Variants in PRR33 observed in about 807,000 individuals in gnomAD.
PRR33 encodes the protein proline-rich protein 33.
In PRR33, 1 loss-of-function variant was observed where a neutral mutation model predicts 0.5. That is an observed-to-expected ratio of 2.18 (90% CI 0.77 to 10.34). The LOEUF (loss-of-function observed/expected upper bound fraction) is 10.34, where lower values mean the gene tolerates loss of function less well. PRR33 is among the 30% of genes most tolerant of loss of function. The probability of loss-of-function intolerance (pLI) is 0.13; values close to 1 mark genes in which losing one functional copy is unlikely to be tolerated. For missense variants in PRR33, 552 were observed against 251.8 expected, an observed-to-expected ratio of 2.19 and a Z score of -8.07; for synonymous variants, 226 against 110.0, an observed-to-expected ratio of 2.06 and a Z score of -6.60.
chr11:1,888,791 A>G, exon 1 of PRR33: 1 of 229,816 alleles, frequency 4.4e-6, no homozygotes, highest in Non-Finnish European at 8.4e-6. Flanking sequence ...TGAGAGGCCC[A>G]GGCCCCTGAG....
exon 1 of PRR33, chr11:1,890,190 A>G (rs1324769424): frequency 1.4e-6 from 1 of 716,762 alleles, no homozygotes; most frequent in Admixed American, 2.0e-5. Context: ...GCCGATGGAG[A>G]ACGTGGACTT....
chr11:1,905,014 G>C, the PRR33 span, among the ~76,000 whole-genome samples: 1 of 151,610 alleles, frequency 6.6e-6, no homozygotes, highest in Non-Finnish European at 1.5e-5. Flanking sequence ...TGTTTTATCA[G>C]CTTCTACTTG....
chr11:1,913,222 C>T, the PRR33 span, among the ~76,000 whole-genome samples: 1 of 151,932 alleles, frequency 6.6e-6, no homozygotes, highest in Non-Finnish European at 1.5e-5. Context: ...TGCCTCCCAG[C>T]TTCGCGCCAT....
At chr11:1,912,100 G>A in the PRR33 span, among the ~76,000 whole-genome samples, 1 of 151,310 alleles carries the variant, frequency 6.6e-6, no homozygotes, top group African/African-American at 2.4e-5. Flanking sequence ...TTGAGCCCAG[G>A]AGTTTGAGGC....
chr11:1,916,419 G>A, the PRR33 span, among the ~76,000 whole-genome samples: 1 of 152,072 alleles, frequency 6.6e-6, no homozygotes, highest in Non-Finnish European at 1.5e-5. Context: ...GAGGTGACGT[G>A]CCCCCATCCT....
At chr11:1,888,856 A>T (rs1848863606) in exon 1 of PRR33, 1 of 362,572 alleles carries the variant, frequency 2.8e-6, no homozygotes, top group Non-Finnish European at 5.0e-6. Flanking sequence ...TAAAGTTTTC[A>T]TCCCAAGGCC....
At chr11:1,914,851 TTCTG>T in the PRR33 span, among the ~76,000 whole-genome samples, 4 of 66,570 alleles carry the variant, frequency 6.0e-5, no homozygotes, top group Non-Finnish European at 8.8e-5. Flanking sequence ...CTGGAGATGT[TTCTG>T]TGTGTGTGTG....
the PRR33 span, among the ~76,000 whole-genome samples, chr11:1,906,758 G>T: frequency 6.6e-6 from 1 of 152,152 alleles, no homozygotes; most frequent in Non-Finnish European, 1.5e-5. Flanking sequence ...GTGAGCTCCC[G>T]GCACTGGTCT....
chr11:1,892,514 C>A (rs772765263), upstream of PRR33, among the ~76,000 whole-genome samples: 1 of 152,372 alleles, frequency 6.6e-6, no homozygotes, highest in Non-Finnish European at 1.5e-5. Context: ...CTACCCCAAC[C>A]AGGACTAGCC....
chr11:1,905,201 A>G, the PRR33 span, among the ~76,000 whole-genome samples: 1 of 134,612 alleles, frequency 7.4e-6, no homozygotes, highest in South Asian at 2.3e-4. Flanking sequence ...ATCTCAGCTC[A>G]CTGCAACGTC....
At chr11:1,914,412 GGAT>G in the PRR33 span, among the ~76,000 whole-genome samples, 443 of 151,578 alleles carry the variant, frequency 2.9e-3, 14 homozygotes, top group East Asian at 0.064. Flanking sequence ...CACACACCTG[GGAT>G]GATGTTTCTC....
chr11:1,888,010 A>G (rs1589833853), downstream of PRR33, among the ~76,000 whole-genome samples: 3 of 152,282 alleles, frequency 2.0e-5, no homozygotes, highest in Middle Eastern at 0.01. Context: ...TCCCTGTCCC[A>G]GCCGAGAGCG....
At chr11:1,894,998 A>C (rs1288584140), upstream of PRR33, among the ~76,000 whole-genome samples, 1 of 152,214 alleles carries the variant, frequency 6.6e-6, no homozygotes, top group African/African-American at 2.4e-5. Flanking sequence ...TCCCGGCACC[A>C]GGGGTGCCGT....
chr11:1,914,718 G>A, the PRR33 span, among the ~76,000 whole-genome samples: 1 of 147,572 alleles, frequency 6.8e-6, no homozygotes, highest in African/African-American at 2.5e-5. Flanking sequence ...TGGGGATGAT[G>A]TTGCTCTGTG....
the PRR33 span, among the ~76,000 whole-genome samples, chr11:1,909,149 C>T: frequency 6.6e-6 from 1 of 152,192 alleles, no homozygotes; most frequent in Non-Finnish European, 1.5e-5. Context: ...CTTTGGGAGG[C>T]TCGAGTCCAG....
the PRR33 span, among the ~76,000 whole-genome samples, chr11:1,911,876 C>T: frequency 2.0e-5 from 3 of 151,486 alleles, no homozygotes; most frequent in Non-Finnish European, 2.9e-5. Context: ...AAAGAACCCC[C>T]GAGGCCGGGA....
chr11:1,906,131 G>A, the PRR33 span, among the ~76,000 whole-genome samples: 1 of 151,888 alleles, frequency 6.6e-6, no homozygotes, highest in South Asian at 2.1e-4. Flanking sequence ...TGGCCCCTCT[G>A]CTTCTTAATA....
At chr11:1,914,513 C>A in the PRR33 span, among the ~76,000 whole-genome samples, 1 of 145,966 alleles carries the variant, frequency 6.9e-6, no homozygotes, top group Non-Finnish European at 1.5e-5. Flanking sequence ...TAGTCACACA[C>A]CAGGGATGAT....
chr11:1,906,358 C>T, the PRR33 span, among the ~76,000 whole-genome samples: 4 of 152,058 alleles, frequency 2.6e-5, no homozygotes, highest in African/African-American at 9.7e-5. Context: ...TAGGGGTTGA[C>T]TTGGGTTTTT....
Sources: allele counts gnomAD v4.1 joint callset (sites outside exome capture counted in the v4.1 genomes callset), GRCh38; gene constraint gnomAD v4.1.1; transcripts MANE v1.5; gene names NCBI Gene and HGNC (gene_info 2026-07-23, HGNC 2026-07-21).